The following HDX variants were observed in gnomAD, a reference collection of about 807,000 sequenced individuals.
The protein encoded by HDX is highly divergent homeobox.
HDX carries 19 observed loss-of-function variants against 45.2 expected under a neutral mutation model. The observed-to-expected ratio is 0.42, with a 90% CI of 0.29 to 0.62. The LOEUF (loss-of-function observed/expected upper bound fraction) is 0.62, where lower values mean the gene tolerates loss of function less well. HDX is among the 20% of genes least tolerant of loss of function. The pLI is 0.20. For missense variants in HDX, 532 were observed against 493.9 expected (o/e 1.08, Z -0.73); for synonymous variants, 188 against 172.8 (o/e 1.09, Z -0.69).
chrX:84,357,623 G>A (rs5922969), intron 6 of HDX, among the ~76,000 whole-genome samples: 51,442 of 109,811 alleles, frequency 0.47, 9,109 homozygotes, highest in Middle Eastern at 0.69. Flanking sequence ...TTTTTTTTAA[G>A]CTTTGCATTT....
At chrX:84,391,142 C>G (rs1275655070) in intron 5 of HDX, among the ~76,000 whole-genome samples, 2 of 111,908 alleles carry the variant, frequency 1.8e-5, no homozygotes, top group Middle Eastern at 4.3e-3. Context: ...CCTCTGGCAT[C>G]TGTCATTCTA....
At chrX:84,344,967 T>C (rs1260457612) in intron 6 of HDX, among the ~76,000 whole-genome samples, 1 of 111,149 alleles carries the variant, frequency 9.0e-6, no homozygotes, top group Non-Finnish European at 1.9e-5. Flanking sequence ...AACAGAACCA[T>C]CATATAGCTA....
rs191354806 is a variant in HDX at position 84,401,340 on chromosome X, G to A, written c.1305+39192C>T. Among the ~76,000 whole-genome samples the A allele has an allele frequency of 4.3e-4, 48 of 111,017 alleles. 2 individuals are homozygous for A. In the East Asian group the frequency reaches 0.012, roughly 28 times the overall value. ...TCTAAATATCCAGAATAATCTACAA[G>A]GAACTTAATCAAATTTACAAGAAAA... On this transcript the variant is annotated intron_variant, in intron 5 of 10. Coordinates refer to ENST00000373177, the MANE Select transcript of HDX (RefSeq NM_001177479.2).
intron 4 of HDX, among the ~76,000 whole-genome samples, chrX:84,465,060 CAT>C (rs2040318913): frequency 1.8e-5 from 2 of 112,141 alleles, no homozygotes; most frequent in South Asian, 7.4e-4. Flanking sequence ...AGCCAACAAA[CAT>C]ATGAAAAAAA....
At chrX:84,479,550 A>T (rs2040630168) in intron 2 of HDX, among the ~76,000 whole-genome samples, 1 of 111,960 alleles carries the variant, frequency 8.9e-6, no homozygotes, top group Non-Finnish European at 1.9e-5. Flanking sequence ...GTAAGTTTTC[A>T]TTTCTCTTGA....
chrX:84,468,800 G>T lies in HDX; in HGVS notation c.923C>A (p.Ala308Asp). 8.3e-7 allele frequency: 1 copy of T among 1,210,379 alleles called. No individual in the cohort carries two copies. Among genetic ancestry groups the T allele is most frequent in the East Asian group, 3.0e-5 (1 of 33,827 alleles). Residue 308 changes from alanine (A) to aspartate (D), a missense_variant, in exon 4 of 11, where the codon GCC becomes GAC. Physicochemically the swap from Ala to Asp is moderately radical, Grantham distance 126 (BLOSUM62 -2). Transcript: ENST00000373177. ...CATCGATGCCAGCTCTTCCTCTCTG[G>T]CATATTCATCCTCAGCATCTCCAGT... ...METGDAEDEY[A>D]REEELASMRA...
chrX:84,418,260 A>G (rs569579701), intron 5 of HDX, among the ~76,000 whole-genome samples: 2 of 112,409 alleles, frequency 1.8e-5, no homozygotes, highest in East Asian at 5.6e-4. Context: ...CCTTAAGGAA[A>G]TGAAAATCTA....
chrX:84,381,916 C>A (rs779654172), intron 5 of HDX, among the ~76,000 whole-genome samples: 2 of 110,577 alleles, frequency 1.8e-5, no homozygotes, highest in South Asian at 7.6e-4. Context: ...AAAAGACAAC[C>A]CATAGAAGGA....
At chrX:84,351,365 GTTTGT>G (rs910827208) in intron 6 of HDX, among the ~76,000 whole-genome samples, 2 of 110,578 alleles carry the variant, frequency 1.8e-5, no homozygotes, top group African/African-American at 6.6e-5. Context: ...TTGTTTGTTG[GTTTGT>G]TTTGTTTTGT....
rs891711009 is a variant in HDX, at chrX:84,334,796, A to G, written c.1741-954T>C. Among the ~76,000 whole-genome samples, 5 of 110,928 alleles carry G rather than the reference A, an allele frequency of 4.5e-5. No homozygotes were observed. The East Asian group carries it at 1.4e-3, about 32-fold the overall frequency. On this transcript the variant is annotated intron_variant, in intron 8 of 10. Transcript: ENST00000373177. ...GCCAACCCAAAGAAAATTTTTAAAG[A>G]GGAAAAACTAAGCTATATTCAGTCA...
At chrX:84,420,161 G>A (rs1460998796) in intron 5 of HDX, among the ~76,000 whole-genome samples, 1 of 111,780 alleles carries the variant, frequency 8.9e-6, no homozygotes, top group Non-Finnish European at 1.9e-5. Flanking sequence ...TAATGCACCA[G>A]GGACCAATCC....
At chrX:84,388,799 C>T (rs149452701) in intron 5 of HDX, among the ~76,000 whole-genome samples, 2 of 112,206 alleles carry the variant, frequency 1.8e-5, no homozygotes, top group African/African-American at 3.2e-5. Flanking sequence ...CTATGTCTGT[C>T]ATTTCAGTCA....
chrX:84,427,497 ATGAT>A (rs1397415599), intron 5 of HDX, among the ~76,000 whole-genome samples: 1 of 110,904 alleles, frequency 9.0e-6, no homozygotes, highest in African/African-American at 3.3e-5. Flanking sequence ...CAGTCAATGA[ATGAT>A]TATGATTACT....
At chrX:84,425,260 A>G (rs2039358589) in intron 5 of HDX, among the ~76,000 whole-genome samples, 1 of 112,382 alleles carries the variant, frequency 8.9e-6, no homozygotes, top group African/African-American at 3.2e-5. Context: ...CAAAATTACA[A>G]TAAGATATCA....
intron 6 of HDX, among the ~76,000 whole-genome samples, chrX:84,351,028 T>G (rs904025257): frequency 2.3e-4 from 25 of 110,093 alleles, no homozygotes; most frequent in Middle Eastern, 9.4e-3. Context: ...TCTATCTATC[T>G]ATCTATCTAT....
At chrX:84,348,810 C>A (rs898953537) in intron 6 of HDX, among the ~76,000 whole-genome samples, 2 of 111,221 alleles carry the variant, frequency 1.8e-5, no homozygotes, top group African/African-American at 6.5e-5. Context: ...TTACTTTTGC[C>A]CTAGGATAGT....
intron 5 of HDX, among the ~76,000 whole-genome samples, chrX:84,406,804 T>A: frequency 9.0e-6 from 1 of 111,150 alleles, no homozygotes; most frequent in African/African-American, 3.3e-5. Context: ...CAGGTTAAAT[T>A]ACTAATTTAA....
intron 3 of HDX, among the ~76,000 whole-genome samples, chrX:84,474,292 C>CA (rs1254009723): frequency 3.3e-4 from 36 of 109,168 alleles, no homozygotes; most frequent in Non-Finnish European, 5.7e-4. Context: ...AACTCCGTTT[C>CA]AAAAAAAAGA....
intron 5 of HDX, among the ~76,000 whole-genome samples, chrX:84,418,897 G>A (rs1004796132): frequency 9.0e-6 from 1 of 111,085 alleles, no homozygotes; most frequent in Non-Finnish European, 1.9e-5. Flanking sequence ...CTTAAGGAGA[G>A]AAGAGGGAAG....
Sources: allele counts gnomAD v4.1 joint callset (sites outside exome capture counted in the v4.1 genomes callset), GRCh38; gene constraint gnomAD v4.1.1; transcripts MANE v1.5; gene names NCBI Gene and HGNC (gene_info 2026-07-23, HGNC 2026-07-21).